Variants in KALRN observed in about 807,000 individuals in gnomAD.
KALRN encodes kalirin RhoGEF kinase, also known as kalirin.
In KALRN, 70 loss-of-function variants were observed where a neutral mutation model predicts 353.7. The ratio of observed to expected loss-of-function variants is 0.20; its 90% CI spans 0.16 to 0.24. KALRN has a LOEUF of 0.24. KALRN is among the 10% of genes least tolerant of loss of function. The pLI is 1.00. For synonymous variants in KALRN, 1,391 were observed against 1,434.8 expected (o/e 0.97, Z 0.69); for missense variants, 2,791 against 3,756.7 (o/e 0.74, Z 6.72).
chr3:124,376,732 A>G (rs2086641070), intron 10 of KALRN, among the ~76,000 whole-genome samples: 1 of 152,168 alleles, frequency 6.6e-6, no homozygotes, highest in African/African-American at 2.4e-5. Flanking sequence ...GAAATGTGAC[A>G]CCTTACTGCT....
At chr3:124,300,392 G>A (rs1323235182) in intron 6 of KALRN, among the ~76,000 whole-genome samples, 1 of 152,172 alleles carries the variant, frequency 6.6e-6, no homozygotes, top group East Asian at 1.9e-4. Flanking sequence ...TCCCTAGCTT[G>A]TAGGAGCTCT....
intron 1 of KALRN, among the ~76,000 whole-genome samples, chr3:124,211,630 A>G (rs965791505): frequency 2.0e-5 from 3 of 152,180 alleles, no homozygotes; most frequent in Non-Finnish European, 4.4e-5. Flanking sequence ...AAGTAATCCC[A>G]GTTACCCCAG....
At chr3:124,178,988 C>A (rs1470363120) in intron 1 of KALRN, among the ~76,000 whole-genome samples, 2 of 152,002 alleles carry the variant, frequency 1.3e-5, no homozygotes, top group African/African-American at 4.8e-5. Context: ...ACACCTGTAG[C>A]CCCAGCTACT....
intron 22 of KALRN, 62 bp downstream of exon 22, chr3:124,455,421 C>T: frequency 6.8e-7 from 1 of 1,466,908 alleles, no homozygotes; most frequent in Non-Finnish European, 9.4e-7. Context: ...CACCACTGCC[C>T]TCATCGCCAT....
chr3:124,401,627 T>C (rs532536718), intron 13 of KALRN, among the ~76,000 whole-genome samples: 2 of 152,224 alleles, frequency 1.3e-5, no homozygotes, highest in African/African-American at 4.8e-5. Context: ...AGCAAGAGTG[T>C]GAGGGCCTCA....
At chr3:124,300,514 T>C (rs1416444053) in intron 6 of KALRN, among the ~76,000 whole-genome samples, 1 of 150,406 alleles carries the variant, frequency 6.6e-6, no homozygotes, top group Non-Finnish European at 1.5e-5. Flanking sequence ...CAAGGACACA[T>C]GCTGGACACA....
Position 124,413,523 on chromosome 3 carries a change from C to G in KALRN, c.2400C>G (p.Asp800Glu). Residue 800 changes from aspartate to glutamate, a missense_variant, in exon 14 of 60, where the codon GAC becomes GAG. Transcript: ENST00000682506. ...WNEDLLRQMN[D>E]FNTEDLTLAE... The stretch of plus-strand genomic sequence containing the variant: ...AAGACTTGCTTCGGCAGATGAATGA[C>G]TTCAACACAGAGGACCTAACCCTGG... 6.2e-7 allele frequency: 1 copy of G among 1,614,162 alleles called. No homozygotes were observed. Among genetic ancestry groups the G allele is most frequent in the Admixed American group, 1.7e-5 (1 of 60,014 alleles).
chr3:124,041,585 T>C (rs566477164), intron 1 of KALRN, among the ~76,000 whole-genome samples: 1 of 152,306 alleles, frequency 6.6e-6, no homozygotes, highest in Non-Finnish European at 1.5e-5. Flanking sequence ...TCTGCATAAG[T>C]AGAAGAATGG....
intron 51 of KALRN, 127 bp from the exon 52 acceptor site, chr3:124,693,676 GT>G: frequency 1.7e-6 from 1 of 572,926 alleles, no homozygotes; most frequent in Non-Finnish European, 3.1e-6. Flanking sequence ...TCACAACACA[GT>G]GGGAAGTTGG....
intron 15 of KALRN, among the ~76,000 whole-genome samples, chr3:124,425,655 A>C (rs2092980071): frequency 6.6e-6 from 1 of 152,198 alleles, no homozygotes; most frequent in Non-Finnish European, 1.5e-5. Context: ...TTTGACTTTG[A>C]AATGAAATAT....
chr3:124,166,565 TAAA>T (rs1355738401), intron 1 of KALRN, among the ~76,000 whole-genome samples: 2 of 152,180 alleles, frequency 1.3e-5, no homozygotes, highest in Non-Finnish European at 2.9e-5. Flanking sequence ...CTCCCTAACT[TAAA>T]AATCTTTATT....
chr3:124,666,888 C>A lies in KALRN; in HGVS notation c.6532-124C>A, dbSNP rs192207264. On this transcript the variant is annotated intron_variant, in intron 46 of 59. Transcript: ENST00000682506. ...CCAGAGACAAAAACCTAAGTACTGT[C>A]CTGCTAGATCCAGGGCAAAATTTGG... 2.8e-4 allele frequency: 275 copies of A among 974,470 alleles called. No individual in the cohort carries two copies. In the African/African-American group the frequency reaches 3.4e-3, roughly 12 times the overall value. 60.4% of individuals were successfully genotyped at this position (974,470 alleles called of 1,614,324 possible).
At chr3:124,273,827 G>C (rs1281270203) in intron 5 of KALRN, among the ~76,000 whole-genome samples, 3 of 152,184 alleles carry the variant, frequency 2.0e-5, no homozygotes, top group Non-Finnish European at 2.9e-5. Context: ...GGCGCCCTCT[G>C]GTCTATAACT....
intron 21 of KALRN, among the ~76,000 whole-genome samples, chr3:124,453,371 A>ATCCCTGG (rs2058986326): frequency 1.3e-5 from 2 of 152,294 alleles, no homozygotes; most frequent in South Asian, 2.1e-4. Context: ...GGAGAGCTGG[A>ATCCCTGG]TCCCTGGTCC....
intron 1 of KALRN, among the ~76,000 whole-genome samples, chr3:124,117,279 G>A (rs1178022085): frequency 6.6e-6 from 1 of 151,832 alleles, no homozygotes; most frequent in Non-Finnish European, 1.5e-5. Flanking sequence ...CTGAGCTAGG[G>A]GTCTATACTA....
intron 9 of KALRN, among the ~76,000 whole-genome samples, chr3:124,344,796 T>C (rs548797993): frequency 6.6e-6 from 1 of 152,244 alleles, no homozygotes; most frequent in Admixed American, 6.5e-5. Flanking sequence ...ATGAAAGAAA[T>C]AGGTTTTTAA....
intron 54 of KALRN, among the ~76,000 whole-genome samples, chr3:124,697,004 C>T (rs1160906092): frequency 2.0e-5 from 3 of 152,048 alleles, no homozygotes; most frequent in Admixed American, 6.5e-5. Context: ...ACTGCAGCCT[C>T]AACCTCCCAG....
chr3:124,705,822 C>T (rs200491385), intron 57 of KALRN, among the ~76,000 whole-genome samples: 14 of 144,768 alleles, frequency 9.7e-5, no homozygotes, highest in East Asian at 2.0e-4. Flanking sequence ...CTTCCTTCCT[C>T]CCTTCCTTCC....
At position 124,719,146 on chromosome 3, in the gene KALRN, C is replaced by A; in HGVS notation, c.8637C>A (p.Pro2879=). The change falls in exon 60 of 60, where the codon CCC becomes CCA. Residue 2879 remains proline (P), a synonymous_variant. Coordinates refer to ENST00000682506, the MANE Select transcript of KALRN (RefSeq NM_001388419.1). The surrounding 1 kb of genome is among the most constrained non-coding windows in gnomAD (Gnocchi z 5.3). ...LTYVMLSGVS[P]FLDESKEETC... ...ATGTCATGCTGAGTGGGGTCTCCCC[C>A]TTCTTGGATGAGAGCAAAGAGGAGA... 6.2e-7 allele frequency: 1 copy of A among 1,614,260 alleles called. No individual in the cohort carries two copies. Among genetic ancestry groups the A allele is most frequent in the Non-Finnish European group, 8.5e-7 (1 of 1,180,046 alleles).
Sources: gnomAD v4.1 joint callset for allele counts (sites outside exome capture counted in the v4.1 genomes callset) on GRCh38, gnomAD v4.1.1 for gene constraint, Gnocchi (gnomAD v3.1) non-coding constraint, MANE v1.5 for transcripts, NCBI Gene and HGNC (gene_info 2026-07-23, HGNC 2026-07-21) for gene names.